Variants in CNP observed in about 807,000 individuals in gnomAD.
The protein encoded by CNP is 2',3'-cyclic nucleotide 3' phosphodiesterase.
Under a neutral mutation model 37.9 loss-of-function variants are expected in CNP, and 8 were observed. That is an observed-to-expected ratio of 0.21 (90% confidence interval 0.12 to 0.38). The LOEUF (loss-of-function observed/expected upper bound fraction) is 0.38. Ranked by LOEUF, CNP falls within the 10% of genes least tolerant of loss-of-function variation. The pLI is 1.00. For synonymous variants in CNP, 237 were observed against 238.3 expected, an observed-to-expected ratio of 0.99 and a Z score of 0.05; for missense variants, 457 against 551.0, an observed-to-expected ratio of 0.83 and a Z score of 1.71.
chr17:41,969,499 G>C (rs1357100471), intron 2 of CNP, among the ~76,000 whole-genome samples: 10 of 152,188 alleles, frequency 6.6e-5, no homozygotes, highest in Non-Finnish European at 1.3e-4. Flanking sequence ...TGTTGGAGAA[G>C]TGCCACCCAC....
Position 41,969,315 on chromosome 17 carries a change from T to C in CNP, c.676+575T>C, listed in dbSNP as rs1208222404. Among the ~76,000 whole-genome samples the C allele has an allele frequency of 2.6e-5, 4 of 152,154 alleles. No homozygotes were observed. The East Asian group carries it at 7.7e-4, about 29-fold the overall frequency. On this transcript the variant is annotated intron_variant, in intron 2 of 3. Coordinates refer to ENST00000393892, the MANE Select transcript of CNP (RefSeq NM_033133.5). ...CTCCAGAGGACACAAGTCTCACACT[T>C]AGGCCAAAACCCGTTTTCAGATGGA...
In CNP at chr17:41,976,831, T is replaced by C. The variant is rs2051094942; in HGVS notation, c.*2907T>C. On this transcript the variant is annotated 3_prime_UTR_variant, in exon 4 of 4. Transcript: ENST00000393892. ...GATTTTCTAAGGAAGATCACTTTGC[T>C]CTGATTATGGAAAAGTCTTCAAGGG... The C allele has an allele frequency of 1.9e-6, 3 of 1,586,524 alleles. No individual in the cohort carries two copies. Among genetic ancestry groups the C allele is most frequent in the Admixed American group, 1.9e-5 (1 of 51,420 alleles).
Position 41,973,822 on chromosome 17 carries a change from G to A in CNP, c.1164G>A (p.Met388Ile). The A allele has an allele frequency of 6.2e-7, 1 of 1,612,008 alleles. No individual in the cohort carries two copies. Among genetic ancestry groups the A allele is most frequent in the Non-Finnish European group, 8.5e-7 (1 of 1,178,976 alleles). ...GRWMLTLAKN[M>I]EVRAIFTGYY... ...GGATGCTGACCCTGGCCAAGAACAT[G>A]GAGGTCAGGGCCATCTTCACGGGGT... The change falls in exon 4 of 4, where the codon ATG (methionine) becomes ATA (isoleucine). Residue 388 changes from methionine to isoleucine, a missense_variant. Coordinates refer to ENST00000393892, the MANE Select transcript of CNP (RefSeq NM_033133.5).
chr17:41,974,003 CATT>C lies in CNP; in HGVS notation c.*80_*82del. 3.4e-5 allele frequency: 26 copies of C among 769,718 alleles called. No individual in the cohort carries two copies. Among genetic ancestry groups the C allele is most frequent in the Non-Finnish European group, 4.0e-5 (22 of 549,600 alleles). The allele number at this position is 769,718 out of a possible 1,614,324, so 47.7% of individuals were successfully genotyped here. The stretch of plus-strand genomic sequence containing the variant: ...CCTCTGTTTGATCCTTGTTTTGTGA[CATT>C]TTTTTTTTTTTTTTTTTTACTCAAA... On this transcript the variant is annotated 3_prime_UTR_variant, in exon 4 of 4. Coordinates refer to ENST00000393892, the MANE Select transcript of CNP (RefSeq NM_033133.5).
chr17:41,973,901 T>C lies in CNP; in HGVS notation c.1243T>C (p.Leu415=), dbSNP rs782178419. The C allele has an allele frequency of 5.1e-6, 8 of 1,555,732 alleles. No homozygotes were observed. The African/African-American group carries it at 5.4e-5, about 11-fold the overall frequency. The part of the protein sequence containing the change: ...PTQGSRKGGA[L]QSCTII Reference sequence around the variant, plus strand: ...GCAAGGTAGCCGGAAGGGGGGCGCCTTGCAGTCCTGCACCATCATATGAGT... The same window carrying C: ...GCAAGGTAGCCGGAAGGGGGGCGCCCTGCAGTCCTGCACCATCATATGAGT... The change falls in exon 4 of 4, where the codon TTG becomes CTG. Residue 415 remains leucine (L), a synonymous_variant. Transcript: ENST00000393892.
At position 41,976,899 on chromosome 17, in the gene CNP, A is replaced by C. The variant is rs2051096919; in HGVS notation, c.*2975A>C. Reference sequence around the variant, plus strand: ...ACAGAGAGAAACTCTATGGGTATCAAACAGCTCAGGCTGTTTTTGGGTGCA... The same window carrying C: ...ACAGAGAGAAACTCTATGGGTATCACACAGCTCAGGCTGTTTTTGGGTGCA... On this transcript the variant is annotated 3_prime_UTR_variant, in exon 4 of 4. Coordinates refer to ENST00000393892, the MANE Select transcript of CNP (RefSeq NM_033133.5). The C allele has an allele frequency of 1.7e-6, 2 of 1,204,592 alleles. No individual in the cohort carries two copies. The highest frequency in any genetic ancestry group is 2.7e-5 in the Admixed American group (1 of 36,888). 74.6% of individuals were successfully genotyped at this position (1,204,592 alleles called of 1,614,324 possible). A position where few individuals can be genotyped will look rare whatever the true frequency, so the allele number is the denominator to read the frequency against.
chr17:41,972,868 C>T (rs928441263), intron 3 of CNP, among the ~76,000 whole-genome samples: 10 of 152,150 alleles, frequency 6.6e-5, no homozygotes, highest in Admixed American at 4.6e-4. Context: ...AATAGAAAAG[C>T]GTTTATGCTG....
rs1262080431 is a variant in CNP, at chr17:41,975,388, G to A, written c.*1464G>A. On this transcript the variant is annotated 3_prime_UTR_variant, in exon 4 of 4. Coordinates refer to ENST00000393892, the MANE Select transcript of CNP (RefSeq NM_033133.5). ...CTGGCCTCAGACTCATACAGAAGGT[G>A]GGGGTTGGCTGGGTACGAGGGATGT... 5.9e-5 allele frequency: 9 copies of A among 152,876 alleles called. No individual in the cohort carries two copies. Among genetic ancestry groups the A allele is most frequent in the African/African-American group, 1.9e-4 (8 of 41,572 alleles). The allele number at this position is 152,876 out of a possible 1,614,324, so 9.5% of individuals were successfully genotyped here.
chr17:41,968,275 G>T lies in CNP; in HGVS notation c.211G>T (p.Val71Leu). The stretch of plus-strand genomic sequence containing the variant: ...CAAGTCCACGCTGGCACGGGTCATC[G>T]TGGACAAGTACCGTGATGGCACCAA... ...SGKSTLARVI[V>L]DKYRDGTKMV... Residue 71 changes from valine to leucine, a missense_variant, in exon 2 of 4, where the codon GTG becomes TTG. Val to Leu is a conservative substitution (Grantham distance 32). This residue lies in a region of CNP where 166 missense variants were observed against 259.3 expected (regional missense o/e 0.64). Coordinates refer to ENST00000393892, the MANE Select transcript of CNP (RefSeq NM_033133.5). The surrounding 1 kb of genome is among the most constrained non-coding windows in gnomAD (Gnocchi z 4.8). 3 of 1,614,064 alleles carry T rather than the reference G, an allele frequency of 1.9e-6. No homozygotes were observed. The highest frequency in any genetic ancestry group is 2.5e-6 in the Non-Finnish European group (3 of 1,179,968).
At position 41,977,318 on chromosome 17, in the gene CNP, C is replaced by A; in HGVS notation, c.*3394C>A. The A allele has an allele frequency of 6.3e-7, 1 of 1,579,182 alleles. No individual in the cohort carries two copies. The highest frequency in any genetic ancestry group is 1.2e-5 in the South Asian group (1 of 85,880). ...AATGCCTTGAAGATATTGTTTGGAT[C>A]AAAATCTGTAGAGCAGGGCAAGTAA... On this transcript the variant is annotated 3_prime_UTR_variant, in exon 4 of 4. Coordinates refer to ENST00000393892, the MANE Select transcript of CNP (RefSeq NM_033133.5).
At position 41,976,148 on chromosome 17, in the gene CNP, G is replaced by T. The variant is rs1234097626; in HGVS notation, c.*2224G>T. ...CGCACACAGCTTTTAGTACCCACCTGAGCTTTGGACACACACAGCTTCTAG... is the reference window on the plus strand; with the variant it reads ...CGCACACAGCTTTTAGTACCCACCTTAGCTTTGGACACACACAGCTTCTAG... On this transcript the variant is annotated 3_prime_UTR_variant, in exon 4 of 4. Transcript: ENST00000393892. 1 of 156,232 alleles carries T rather than the reference G, an allele frequency of 6.4e-6. No homozygotes were observed. The highest frequency in any genetic ancestry group is 2.4e-5 in the African/African-American group (1 of 41,474). 9.7% of individuals were successfully genotyped at this position (156,232 alleles called of 1,614,324 possible).
At chr17:41,967,999 G>A (rs1162189271) in intron 1 of CNP, 69 bp from the exon 2 acceptor site, 28 of 1,558,586 alleles carry the variant, frequency 1.8e-5, no homozygotes, top group Non-Finnish European at 2.2e-5. Flanking sequence ...CCAGTCTAGG[G>A]ACTAGGGGTA....
chr17:41,973,752 G>A lies in CNP; in HGVS notation c.1094G>A (p.Gly365Asp). The A allele has an allele frequency of 6.2e-7, 1 of 1,612,150 alleles. No individual in the cohort carries two copies. The highest frequency in any genetic ancestry group is 8.5e-7 in the Non-Finnish European group (1 of 1,178,964). ...GGGGGCAGCCGAGGCGAGGAGGTGG[G>A]CGAGCTAAGCCGGGGCAAGCTCTAT... ...EKGGSRGEEV[G>D]ELSRGKLYSL... Residue 365 changes from glycine to aspartate, a missense_variant, in exon 4 of 4, where the codon GGC becomes GAC. By Grantham distance (94) the Gly-to-Asp change is moderately conservative. Transcript: ENST00000393892.
At chr17:41,969,672 C>G (rs1285811836) in intron 2 of CNP, among the ~76,000 whole-genome samples, 1 of 152,158 alleles carries the variant, frequency 6.6e-6, no homozygotes, top group Non-Finnish European at 1.5e-5. Flanking sequence ...TCTCCTGCCT[C>G]AGCCTCTCGA....
Position 41,977,275 on chromosome 17 carries a change from C to G in CNP, c.*3351C>G. 1 of 1,581,854 alleles carries G rather than the reference C, an allele frequency of 6.3e-7. No individual in the cohort carries two copies. The highest frequency in any genetic ancestry group is 8.6e-7 in the Non-Finnish European group (1 of 1,164,082). ...GGCCCACCTACCTTCAAAGCTGAAGCCGCCAGGACCGCCAAAGAATGCCTT... is the reference window on the plus strand; with the variant it reads ...GGCCCACCTACCTTCAAAGCTGAAGGCGCCAGGACCGCCAAAGAATGCCTT... On this transcript the variant is annotated 3_prime_UTR_variant, in exon 4 of 4. Coordinates refer to ENST00000393892, the MANE Select transcript of CNP (RefSeq NM_033133.5).
intron 1 of CNP, chr17:41,967,663 C>T (rs1555643121): frequency 1.9e-6 from 2 of 1,028,716 alleles, no homozygotes; most frequent in African/African-American, 3.4e-5. Flanking sequence ...GGTAACCCTT[C>T]TCCACTCCCC....
intron 2 of CNP, among the ~76,000 whole-genome samples, chr17:41,969,124 T>C (rs1358654436): frequency 2.0e-5 from 3 of 152,202 alleles, no homozygotes; most frequent in Non-Finnish European, 2.9e-5. Context: ...CCCAGTGTTT[T>C]CCAACGCATT....
Position 41,977,342 on chromosome 17 carries a change from A to G in CNP, c.*3418A>G. The G allele has an allele frequency of 1.9e-6, 3 of 1,568,482 alleles. No individual in the cohort carries two copies. The highest frequency in any genetic ancestry group is 2.6e-6 in the Non-Finnish European group (3 of 1,155,616). On this transcript the variant is annotated 3_prime_UTR_variant, in exon 4 of 4. Transcript: ENST00000393892. ...TCAAAATCTGTAGAGCAGGGCAAGT[A>G]ACATGGAAGGGAAGAAAAGGTGAAA...
At chr17:41,967,998 G>A in intron 1 of CNP, 70 bp from the exon 2 acceptor site, 3 of 1,554,092 alleles carry the variant, frequency 1.9e-6, no homozygotes, top group South Asian at 2.5e-5. Flanking sequence ...ACCAGTCTAG[G>A]GACTAGGGGT....
Sources: allele counts gnomAD v4.1 joint callset (sites outside exome capture counted in the v4.1 genomes callset), GRCh38; gene constraint gnomAD v4.1.1; regional missense constraint gnomAD v4.1.1; non-coding constraint Gnocchi (gnomAD v3.1); transcripts MANE v1.5; gene names NCBI Gene and HGNC (gene_info 2026-07-23, HGNC 2026-07-21).